The following BABAM2 variants were observed in gnomAD, a reference collection of about 807,000 sequenced individuals.
BABAM2 encodes BRISC and BRCA1-A complex member 2.
BABAM2 carries 31 observed loss-of-function variants against 54.7 expected under a neutral mutation model. That is an observed-to-expected ratio of 0.57 (90% CI 0.43 to 0.77). The LOEUF is 0.77. Among genes scored for constraint, BABAM2 ranks in the 30% least tolerant of loss-of-function variants. The pLI is 0.00. For missense variants in BABAM2, 364 were observed against 455.8 expected, an observed-to-expected ratio of 0.80 and a Z score of 1.83; for synonymous variants, 167 against 162.9, an observed-to-expected ratio of 1.03 and a Z score of -0.19.
chr2:28,113,141 A>G (rs1035364863), intron 6 of BABAM2, among the ~76,000 whole-genome samples: 1 of 152,102 alleles, frequency 6.6e-6, no homozygotes, highest in African/African-American at 2.4e-5. Context: ...ATTTTCTCCC[A>G]TTCTGTAGGT....
At chr2:27,915,320 C>T (rs559637040) in intron 2 of BABAM2, among the ~76,000 whole-genome samples, 27 of 152,266 alleles carry the variant, frequency 1.8e-4, no homozygotes, top group African/African-American at 5.1e-4. Context: ...TTTGAATACT[C>T]GTGACAGCAA....
intron 6 of BABAM2, among the ~76,000 whole-genome samples, chr2:28,077,379 A>G (rs1664782460): frequency 6.6e-6 from 1 of 152,166 alleles, no homozygotes; most frequent in South Asian, 2.1e-4. Context: ...TTAAAATTGT[A>G]TTAACTTTTG....
intron 3 of BABAM2, among the ~76,000 whole-genome samples, chr2:27,943,678 T>A (rs149657954): frequency 6.6e-6 from 1 of 152,236 alleles, no homozygotes. Flanking sequence ...AAAAGTTGGA[T>A]GCTGTCTAGG....
At chr2:28,094,105 T>G (rs1433851447) in intron 6 of BABAM2, among the ~76,000 whole-genome samples, 1 of 152,168 alleles carries the variant, frequency 6.6e-6, no homozygotes, top group Non-Finnish European at 1.5e-5. Context: ...AAATTTAATT[T>G]AAAACATTTA....
intron 7 of BABAM2, among the ~76,000 whole-genome samples, chr2:28,190,365 G>T (rs947983520): frequency 2.0e-5 from 3 of 152,132 alleles, no homozygotes; most frequent in African/African-American, 7.2e-5. Flanking sequence ...CACATGGCAG[G>T]AGAGGCTAGC....
At chr2:28,052,489 T>G (rs1202256607) in intron 6 of BABAM2, among the ~76,000 whole-genome samples, 2 of 152,162 alleles carry the variant, frequency 1.3e-5, no homozygotes, top group Admixed American at 1.3e-4. Flanking sequence ...GGTTTCGTCA[T>G]GTTGGCCAGG....
At chr2:28,166,620 C>T (rs1673704059) in intron 7 of BABAM2, among the ~76,000 whole-genome samples, 1 of 152,124 alleles carries the variant, frequency 6.6e-6, no homozygotes, top group African/African-American at 2.4e-5. Flanking sequence ...TCTCTTACCC[C>T]TGACGTCCTC....
intron 7 of BABAM2, among the ~76,000 whole-genome samples, chr2:28,189,452 G>A (rs1193314746): frequency 6.6e-6 from 1 of 152,076 alleles, no homozygotes; most frequent in Admixed American, 6.5e-5. Flanking sequence ...ACATCAGCAT[G>A]GACTAGAATC....
At chr2:28,079,711 A>C (rs1558316329) in intron 6 of BABAM2, among the ~76,000 whole-genome samples, 2 of 152,170 alleles carry the variant, frequency 1.3e-5, no homozygotes, top group Non-Finnish European at 2.9e-5. Flanking sequence ...GTGCTTATTA[A>C]GGAACATAAT....
chr2:27,949,533 CAA>C (rs1042311055), intron 3 of BABAM2, among the ~76,000 whole-genome samples: 22 of 73,658 alleles, frequency 3.0e-4, no homozygotes, highest in Middle Eastern at 7.9e-3. Flanking sequence ...GATTCCGTCT[CAA>C]AAAAAAAAAA....
At chr2:27,929,010 G>T (rs1300747450) in intron 2 of BABAM2, among the ~76,000 whole-genome samples, 1 of 144,280 alleles carries the variant, frequency 6.9e-6, no homozygotes, top group African/African-American at 2.6e-5. Context: ...GAGCCCAGGA[G>T]TTCGAGACCA....
chr2:28,154,641 T>G (rs1672374460), intron 7 of BABAM2, among the ~76,000 whole-genome samples: 1 of 152,224 alleles, frequency 6.6e-6, no homozygotes, highest in Non-Finnish European at 1.5e-5. Context: ...ATGTATTTTT[T>G]TAAATCATTC....
At chr2:28,330,480 A>G (rs1690857062) in intron 11 of BABAM2, among the ~76,000 whole-genome samples, 1 of 152,250 alleles carries the variant, frequency 6.6e-6, no homozygotes, top group Non-Finnish European at 1.5e-5. Flanking sequence ...CAACTTCAGC[A>G]AAGTCTCAGG....
intron 2 of BABAM2, among the ~76,000 whole-genome samples, chr2:27,918,849 C>G (rs1045537981): frequency 6.6e-6 from 1 of 152,048 alleles, no homozygotes; most frequent in African/African-American, 2.4e-5. Context: ...CCACCATGCC[C>G]ACTAACTTTT....
At chr2:27,978,299 C>G (rs1025487525) in intron 3 of BABAM2, among the ~76,000 whole-genome samples, 1 of 152,200 alleles carries the variant, frequency 6.6e-6, no homozygotes, top group Non-Finnish European at 1.5e-5. Context: ...TCACCTCCTG[C>G]CATGATTGTA....
At chr2:27,979,798 A>G (rs868634629) in intron 3 of BABAM2, among the ~76,000 whole-genome samples, 4 of 152,332 alleles carry the variant, frequency 2.6e-5, no homozygotes, top group South Asian at 2.1e-4. Flanking sequence ...ACAAAATAGT[A>G]TGATAATATT....
intron 4 of BABAM2, among the ~76,000 whole-genome samples, chr2:28,019,320 C>T (rs114641449): frequency 0.031 from 4,551 of 145,936 alleles, 102 homozygotes; most frequent in Admixed American, 0.054. Flanking sequence ...TAGGTGTGCA[C>T]GTGTCTCACT....
chr2:27,915,999 A>G (rs1666941643), intron 2 of BABAM2, among the ~76,000 whole-genome samples: 1 of 152,214 alleles, frequency 6.6e-6, no homozygotes, highest in South Asian at 2.1e-4. Context: ...TGTACTGAGC[A>G]CCAAGTAAGT....
chr2:27,940,034 G>A (rs1270773503), intron 3 of BABAM2, among the ~76,000 whole-genome samples: 1 of 152,230 alleles, frequency 6.6e-6, no homozygotes, highest in Non-Finnish European at 1.5e-5. Flanking sequence ...ATTGAAAAAT[G>A]TTAAAGGATA....
Sources: gnomAD v4.1 joint callset for allele counts (sites outside exome capture counted in the v4.1 genomes callset) on GRCh38, gnomAD v4.1.1 for gene constraint, MANE v1.5 for transcripts, NCBI Gene and HGNC (gene_info 2026-07-23, HGNC 2026-07-21) for gene names.